Variants in PPP2R3C observed in about 807,000 individuals in gnomAD.
The protein encoded by PPP2R3C is protein phosphatase 2 regulatory subunit B''gamma, also known as serine/threonine-protein phosphatase 2A regulatory subunit B'' subunit gamma.
PPP2R3C carries 47 observed loss-of-function variants against 63.7 expected under a neutral mutation model. The ratio of observed to expected loss-of-function variants is 0.74; its 90% CI spans 0.58 to 0.94. The LOEUF is 0.94. Among genes scored for constraint, PPP2R3C ranks in the 40% least tolerant of loss-of-function variants. PPP2R3C has a pLI of 0.00. For synonymous variants in PPP2R3C, 180 were observed against 177.4 expected, an observed-to-expected ratio of 1.01 and a Z score of -0.12; for missense variants, 421 against 518.4, an observed-to-expected ratio of 0.81 and a Z score of 1.82.
At chr14:35,120,562 T>TA (rs533748640) in intron 1 of PPP2R3C, among the ~76,000 whole-genome samples, 2 of 152,132 alleles carry the variant, frequency 1.3e-5, no homozygotes, top group South Asian at 2.1e-4. Flanking sequence ...TCTCCTTTCT[T>TA]AATGAGATAT....
At chr14:35,107,103 G>A (rs981627399) in intron 6 of PPP2R3C, among the ~76,000 whole-genome samples, 2 of 152,140 alleles carry the variant, frequency 1.3e-5, no homozygotes, top group Non-Finnish European at 2.9e-5. Flanking sequence ...TCACTGGAAA[G>A]ATGATGTTCA....
At chr14:35,097,930 C>T (rs1286102362) in intron 7 of PPP2R3C, among the ~76,000 whole-genome samples, 3 of 151,996 alleles carry the variant, frequency 2.0e-5, no homozygotes, top group Non-Finnish European at 2.9e-5. Context: ...AGTTTGAATG[C>T]CACTTTTAAA....
intron 4 of PPP2R3C, among the ~76,000 whole-genome samples, chr14:35,109,377 C>T (rs2046471378): frequency 6.6e-6 from 1 of 152,064 alleles, no homozygotes; most frequent in Non-Finnish European, 1.5e-5. Context: ...TTAATAACTT[C>T]ATACCAATGT....
chr14:35,088,053 C>T (rs192049091), intron 11 of PPP2R3C, 43 bp from the exon 12 acceptor site: 35 of 1,378,296 alleles, frequency 2.5e-5, no homozygotes, highest in South Asian at 8.2e-5. Flanking sequence ...AAATGAAATA[C>T]ACAACATCCC....
At chr14:35,111,229 A>C (rs1193709105) in intron 2 of PPP2R3C, among the ~76,000 whole-genome samples, 1 of 103,718 alleles carries the variant, frequency 9.6e-6, no homozygotes, top group African/African-American at 3.8e-5. Flanking sequence ...GCGAGACTCC[A>C]TCTACCAAAA....
intron 4 of PPP2R3C, among the ~76,000 whole-genome samples, chr14:35,109,290 C>T (rs934883217): frequency 2.0e-5 from 3 of 151,954 alleles, no homozygotes; most frequent in South Asian, 2.1e-4. Context: ...CTCTTGACCT[C>T]GTGATCCGCT....
intron 12 of PPP2R3C, 185 bp from the exon 13 acceptor site, chr14:35,085,963 TTTCTC>T (rs1207104302): frequency 5.4e-6 from 3 of 557,522 alleles, no homozygotes; most frequent in Non-Finnish European, 9.3e-6. Flanking sequence ...GCAGTTTCCT[TTTCTC>T]TACCTACAAC....
chr14:35,089,130 G>T (rs910593071), intron 11 of PPP2R3C, among the ~76,000 whole-genome samples: 1 of 151,920 alleles, frequency 6.6e-6, no homozygotes, highest in Non-Finnish European at 1.5e-5. Flanking sequence ...TAGAGATAGG[G>T]TCTTACTCTG....
chr14:35,092,321 C>T (rs767207787), intron 10 of PPP2R3C, among the ~76,000 whole-genome samples: 3 of 152,240 alleles, frequency 2.0e-5, no homozygotes, highest in Admixed American at 6.5e-5. Context: ...CATCTGGCCT[C>T]GGCCTCCCAA....
intron 2 of PPP2R3C, 78 bp downstream of exon 2, chr14:35,116,532 G>T: frequency 8.2e-7 from 1 of 1,221,004 alleles, no homozygotes. Flanking sequence ...TGGGATTACA[G>T]GTATGAGCCA....
intron 4 of PPP2R3C, among the ~76,000 whole-genome samples, chr14:35,109,321 C>T (rs549167252): frequency 6.6e-6 from 1 of 151,926 alleles, no homozygotes; most frequent in Non-Finnish European, 1.5e-5. Flanking sequence ...TCCCAAAGTG[C>T]TGGGATTACA....
intron 3 of PPP2R3C, 59 bp from the exon 4 acceptor site, chr14:35,109,990 G>A: frequency 8.1e-7 from 1 of 1,238,646 alleles, no homozygotes; most frequent in Non-Finnish European, 1.1e-6. Flanking sequence ...ATTTTAATAT[G>A]TAGTTAAATG....
At chr14:35,088,482 T>A (rs1301212974) in intron 11 of PPP2R3C, among the ~76,000 whole-genome samples, 2 of 152,282 alleles carry the variant, frequency 1.3e-5, no homozygotes, top group African/African-American at 4.8e-5. Context: ...CTCCCAAAAC[T>A]CTTCCTTTTC....
At position 35,094,121 on chromosome 14, in the gene PPP2R3C, G is replaced by A. The variant is rs113882299; in HGVS notation, c.975+927C>T. ...GCATATGTGTTACTACATTTGACCT[G>A]GTAATTTAATGACGGAACTATCTAG... is the stretch of plus-strand genomic sequence containing the variant. On this transcript the variant is annotated intron_variant, in intron 10 of 12. Coordinates refer to ENST00000261475, the MANE Select transcript of PPP2R3C (RefSeq NM_017917.4). Among the ~76,000 whole-genome samples the A allele has an allele frequency of 8.3e-3, 1,268 of 152,162 alleles. 15 individuals carry two copies. Among genetic ancestry groups the A allele is most frequent in the African/African-American group, 0.026 (1,079 of 41,518 alleles).
intron 9 of PPP2R3C, 90 bp from the exon 10 acceptor site, chr14:35,095,274 A>G: frequency 7.6e-7 from 1 of 1,319,760 alleles, no homozygotes; most frequent in Non-Finnish European, 1.1e-6. Flanking sequence ...CTTGGTTAAT[A>G]TTTTGATTTT....
chr14:35,085,835 A>AT, intron 12 of PPP2R3C, 57 bp from the exon 13 acceptor site: 1 of 1,406,994 alleles, frequency 7.1e-7, no homozygotes. Flanking sequence ...TATCACACAT[A>AT]GTGATCCAAA....
chr14:35,116,423 T>A (rs72664829), intron 2 of PPP2R3C, among the ~76,000 whole-genome samples, 187 bp downstream of exon 2: 27,350 of 151,818 alleles, frequency 0.18, 2,628 homozygotes, highest in Middle Eastern at 0.27. Context: ...AGCTATTTTT[T>A]AAAAAATTTC....
chr14:35,093,065 T>C (rs1211791057), intron 10 of PPP2R3C, among the ~76,000 whole-genome samples: 1 of 151,904 alleles, frequency 6.6e-6, no homozygotes, highest in Non-Finnish European at 1.5e-5. Context: ...AAAAAAAAAT[T>C]AGCCGGGCAT....
chr14:35,097,139 T>G (rs920922957), intron 7 of PPP2R3C, among the ~76,000 whole-genome samples: 1 of 151,870 alleles, frequency 6.6e-6, no homozygotes, highest in African/African-American at 2.4e-5. Context: ...CGCTTGAACC[T>G]GGGAGGCAGA....
Sources: allele counts gnomAD v4.1 joint callset (sites outside exome capture counted in the v4.1 genomes callset), GRCh38; gene constraint gnomAD v4.1.1; transcripts MANE v1.5; gene names NCBI Gene and HGNC (gene_info 2026-07-23, HGNC 2026-07-21).